DDB2: variants seen among roughly 807,000 people sequenced by gnomAD.
DDB2 encodes damage specific DNA binding protein 2.
DDB2 carries 27 observed loss-of-function variants against 50.5 expected under a neutral mutation model. The observed-to-expected ratio is 0.53, with a 90% CI of 0.39 to 0.74. DDB2 has a LOEUF of 0.74. Ranked by LOEUF, DDB2 falls within the 30% of genes least tolerant of loss-of-function variation. The pLI, the probability that DDB2 is intolerant of heterozygous loss-of-function variation, is 0.00. For synonymous variants in DDB2, 176 were observed against 205.5 expected, an observed-to-expected ratio of 0.86 and a Z score of 1.23; for missense variants, 424 against 545.6, an observed-to-expected ratio of 0.78 and a Z score of 2.22.
chr11:47,218,254 G>A (rs1199910254), intron 3 of DDB2, among the ~76,000 whole-genome samples: 1 of 152,218 alleles, frequency 6.6e-6, no homozygotes, highest in Non-Finnish European at 1.5e-5. Flanking sequence ...TGATGGCAGG[G>A]ACCTTTCCTT....
At position 47,235,413 on chromosome 11, in the gene DDB2, G is replaced by C; in HGVS notation, c.1023+1G>C. The C allele has an allele frequency of 5.0e-6, 8 of 1,611,484 alleles. No homozygotes were observed. The highest frequency in any genetic ancestry group is 6.8e-6 in the Non-Finnish European group (8 of 1,179,962). On this transcript the variant is annotated splice_donor_variant, in intron 7 of 9. Transcript: ENST00000256996. LOFTEE classifies it high-confidence loss of function. ...CTTCCAGCACCTCACACCCATCAAG[G>C]TGAGTGGCGGTGGGAAGGAGCTCGC...
rs202149501 is a variant in DDB2, at chr11:47,235,415, G to A, written c.1023+3G>A. 3 of 1,611,308 alleles carry A rather than the reference G, an allele frequency of 1.9e-6. No homozygotes were observed. Among genetic ancestry groups the A allele is most frequent in the Non-Finnish European group, 2.5e-6 (3 of 1,179,950 alleles). On this transcript the variant is annotated splice_donor_region_variant and intron_variant, in intron 7 of 9. Transcript: ENST00000256996. ...TCCAGCACCTCACACCCATCAAGGT[G>A]AGTGGCGGTGGGAAGGAGCTCGCAG...
At chr11:47,216,098 C>G (rs1010933657) in intron 1 of DDB2, 1 of 645,564 alleles carries the variant, frequency 1.5e-6, no homozygotes, top group Non-Finnish European at 2.8e-6. Context: ...CCCTGCACGA[C>G]TGTATTTACT....
chr11:47,235,652 A>G (rs371732878), intron 7 of DDB2: 2 of 568,362 alleles, frequency 3.5e-6, no homozygotes. Context: ...TTTTCAGCCC[A>G]GCTCTGATCT....
At chr11:47,216,713 A>G (rs1953405156) in intron 2 of DDB2, 145 bp from the exon 3 acceptor site, 1 of 1,010,610 alleles carries the variant, frequency 9.9e-7, no homozygotes, top group Admixed American at 2.0e-5. Flanking sequence ...GTACATTGCA[A>G]ATATTTTCAT....
chr11:47,214,790 C>A, upstream of DDB2: 1 of 362,300 alleles, frequency 2.8e-6, no homozygotes. Context: ...AAAAAAAATC[C>A]ATAAAGCCGG....
chr11:47,214,783 A>AG, upstream of DDB2: 2 of 354,280 alleles, frequency 5.6e-6, no homozygotes, highest in Admixed American at 8.7e-5. Flanking sequence ...AAAAAAAAAA[A>AG]AAAATCCATA....
At chr11:47,217,281 CAGG>C in intron 3 of DDB2, 1 of 412,326 alleles carries the variant, frequency 2.4e-6, no homozygotes, top group East Asian at 5.2e-5. Flanking sequence ...GAGGCTGAGG[CAGG>C]AGAATTGCTT....
chr11:47,237,901 G>C lies in DDB2; in HGVS notation c.1088G>C (p.Ser363Thr). 1 of 1,614,132 alleles carries C rather than the reference G, an allele frequency of 6.2e-7. No individual in the cohort carries two copies. Among genetic ancestry groups the C allele is most frequent in the Non-Finnish European group, 8.5e-7 (1 of 1,180,034 alleles). The change falls in exon 8 of 10, where the codon AGT becomes ACT. Residue 363 changes from serine (S) to threonine (T), a missense_variant. Coordinates refer to ENST00000256996, the MANE Select transcript of DDB2 (RefSeq NM_000107.3). ...CGATACCCAGATCCTAATTTCAAAA[G>C]TTGTACCCCTTATGAATTGAGGACG... Reference protein sequence around the residue: ...VGRYPDPNFKSCTPYELRTID... With the variant: ...VGRYPDPNFKTCTPYELRTID...
chr11:47,238,485 G>A (rs1018557390), intron 9 of DDB2, among the ~76,000 whole-genome samples: 4 of 151,858 alleles, frequency 2.6e-5, no homozygotes, highest in East Asian at 1.9e-4. Context: ...TGCAAGCTCC[G>A]CCTCCTGGGT....
Position 47,215,185 on chromosome 11 carries a change from T to C in DDB2, c.49T>C (p.Leu17=). 6.2e-7 allele frequency: 1 copy of C among 1,613,992 alleles called. No individual in the cohort carries two copies. The highest frequency in any genetic ancestry group is 8.5e-7 in the Non-Finnish European group (1 of 1,179,996). The change falls in exon 1 of 10, where the codon TTA becomes CTA. Residue 17 remains leucine (L), a synonymous_variant. Transcript: ENST00000256996. ...PETQKTSEIV[L]RPRNKRSRSP... is the part of the protein sequence containing the mutation. ...AACCCAGAAGACCTCCGAGATTGTA[T>C]TACGCCCCAGGAACAAGAGGAGCAG...
In DDB2 at chr11:47,238,135, C is replaced by T; in HGVS notation, c.1189-3C>T. On this transcript the variant is annotated splice_region_variant and splice_polypyrimidine_tract_variant and intron_variant, in intron 8 of 9. Transcript: ENST00000256996. The stretch of plus-strand genomic sequence containing the variant: ...CCTCATGTTGACACTCTTGTCTCTG[C>T]AGCTTAATGAATTCAATCCCATGGG... The T allele has an allele frequency of 2.5e-6, 4 of 1,612,600 alleles. No individual in the cohort carries two copies. The highest frequency in any genetic ancestry group is 2.2e-5 in the South Asian group (2 of 90,722).
intron 3 of DDB2, among the ~76,000 whole-genome samples, chr11:47,228,746 C>A (rs1953597102): frequency 6.6e-6 from 1 of 151,694 alleles, no homozygotes; most frequent in South Asian, 2.1e-4. Flanking sequence ...CACTTGAAGT[C>A]AGGAGTTCGA....
chr11:47,236,777 C>A (rs934850437), intron 7 of DDB2, among the ~76,000 whole-genome samples: 3 of 152,218 alleles, frequency 2.0e-5, no homozygotes, highest in Non-Finnish European at 2.9e-5. Context: ...TGTCAAGAAT[C>A]CTTCCCCAGT....
At chr11:47,223,398 T>G (rs1390854659) in intron 3 of DDB2, among the ~76,000 whole-genome samples, 1 of 152,028 alleles carries the variant, frequency 6.6e-6, no homozygotes, top group Non-Finnish European at 1.5e-5. Context: ...GGCATGAGAA[T>G]CTTGAACCTG....
intron 3 of DDB2, chr11:47,229,818 CTTTT>C (rs11376360): frequency 4.0e-4 from 132 of 329,332 alleles, no homozygotes; most frequent in African/African-American, 2.2e-3. Context: ...GATGGCTCTT[CTTTT>C]TTTTTTTTTT....
At chr11:47,232,431 C>T (rs1297474056) in intron 3 of DDB2, among the ~76,000 whole-genome samples, 1 of 151,724 alleles carries the variant, frequency 6.6e-6, no homozygotes, top group African/African-American at 2.4e-5. Context: ...GCAGGGGGAT[C>T]GCTTGAGCTT....
chr11:47,226,619 A>G (rs1395042495), intron 3 of DDB2, among the ~76,000 whole-genome samples: 1 of 151,976 alleles, frequency 6.6e-6, no homozygotes, highest in Non-Finnish European at 1.5e-5. Flanking sequence ...GTGAGGTGAT[A>G]GCAGTGTAGT....
chr11:47,238,242 G>A, intron 9 of DDB2, 59 bp downstream of exon 9: 2 of 1,486,434 alleles, frequency 1.3e-6, no homozygotes, highest in East Asian at 2.4e-5. Flanking sequence ...CCAAGGTTCA[G>A]TGCGGGCCAG....
Sources: gnomAD v4.1 joint callset for allele counts (sites outside exome capture counted in the v4.1 genomes callset) on GRCh38, gnomAD v4.1.1 for gene constraint, MANE v1.5 for transcripts, NCBI Gene and HGNC (gene_info 2026-07-23, HGNC 2026-07-21) for gene names.